Variants in SPATS2L observed in about 807,000 individuals in gnomAD.
The protein encoded by SPATS2L is spermatogenesis associated serine rich 2 like.
A neutral mutation model predicts 59.6 loss-of-function variants in SPATS2L; 30 were observed. That is an observed-to-expected ratio of 0.50 (90% CI 0.38 to 0.68). SPATS2L has a LOEUF of 0.68. SPATS2L is among the 30% of genes least tolerant of loss of function. SPATS2L has a pLI of 0.00. For missense variants in SPATS2L, 615 were observed against 700.0 expected (o/e 0.88, Z 1.37); for synonymous variants, 252 against 263.5 (o/e 0.96, Z 0.42).
chr2:200,414,895 T>C (rs2083004197), intron 4 of SPATS2L, among the ~76,000 whole-genome samples: 1 of 152,364 alleles, frequency 6.6e-6, no homozygotes, highest in South Asian at 2.1e-4. Context: ...GAGGACTAAT[T>C]GAATATGGCA....
chr2:200,320,014 T>C (rs751957566), intron 1 of SPATS2L, among the ~76,000 whole-genome samples: 3 of 152,240 alleles, frequency 2.0e-5, no homozygotes, highest in Non-Finnish European at 2.9e-5. Context: ...AATGTTACTT[T>C]GTCGTTGATA....
chr2:200,383,629 C>T (rs1278459123), intron 2 of SPATS2L, among the ~76,000 whole-genome samples: 4 of 152,148 alleles, frequency 2.6e-5, no homozygotes, highest in Non-Finnish European at 5.9e-5. Context: ...TCGATCCAGT[C>T]TCTACCAACT....
At chr2:200,459,889 C>G (rs2086115024) in intron 9 of SPATS2L, 62 bp downstream of exon 9, 1 of 1,242,524 alleles carries the variant, frequency 8.0e-7, no homozygotes, top group Non-Finnish European at 1.2e-6. Flanking sequence ...ATCCATAGGT[C>G]AGACTGACAA....
At chr2:200,322,444 A>T (rs574977823) in intron 1 of SPATS2L, among the ~76,000 whole-genome samples, 34 of 152,352 alleles carry the variant, frequency 2.2e-4, no homozygotes, top group African/African-American at 7.7e-4. Context: ...ATACCTCTTT[A>T]GCCTTTGCTG....
At chr2:200,309,157 G>A (rs952670684) in intron 1 of SPATS2L, 23 of 717,164 alleles carry the variant, frequency 3.2e-5, no homozygotes, top group Non-Finnish European at 4.2e-5. Context: ...CCTAATTTTT[G>A]TGAGTTTCTC....
chr2:200,347,913 CTGAG>C (rs2080572832), intron 2 of SPATS2L, among the ~76,000 whole-genome samples: 2 of 152,148 alleles, frequency 1.3e-5, no homozygotes, highest in Non-Finnish European at 2.9e-5. Flanking sequence ...TCTAATTTTC[CTGAG>C]TAATATCTTA....
intron 2 of SPATS2L, among the ~76,000 whole-genome samples, chr2:200,335,851 C>A (rs577883009): frequency 6.6e-6 from 1 of 152,272 alleles, no homozygotes; most frequent in East Asian, 1.9e-4. Context: ...GACATTGGCA[C>A]CATCCTTGAG....
intron 6 of SPATS2L, among the ~76,000 whole-genome samples, chr2:200,426,860 G>C (rs2083611978): frequency 6.6e-6 from 1 of 152,106 alleles, no homozygotes; most frequent in Admixed American, 6.5e-5. Context: ...CAAGTAACTT[G>C]GTATCTTAGA....
At chr2:200,401,373 T>G (rs1055998441) in intron 3 of SPATS2L, among the ~76,000 whole-genome samples, 3 of 152,190 alleles carry the variant, frequency 2.0e-5, no homozygotes, top group African/African-American at 7.2e-5. Context: ...TGGACACTTG[T>G]TATGCAGCAG....
Position 200,371,977 on chromosome 2 carries a change from G to A in SPATS2L, c.-22-17246G>A, listed in dbSNP as rs1055724072. The A allele has an allele frequency of 4.2e-6, 4 of 963,266 alleles. No homozygotes were observed. The East Asian group carries it at 4.6e-4, about 110-fold the overall frequency. The allele number at this position is 963,266 out of a possible 1,614,324, so 59.7% of individuals were successfully genotyped here. ...ATTTGAGGCATTTCTGGCCCTGCCTGCAGGAAGAAAGGCTCTTTCCATCAC... is the reference window on the plus strand; with the variant it reads ...ATTTGAGGCATTTCTGGCCCTGCCTACAGGAAGAAAGGCTCTTTCCATCAC... On this transcript the variant is annotated intron_variant, in intron 2 of 12. Coordinates refer to ENST00000409140, the MANE Select transcript of SPATS2L (RefSeq NM_001100423.2).
intron 3 of SPATS2L, among the ~76,000 whole-genome samples, chr2:200,397,477 G>GGT (rs2082392355): frequency 6.6e-6 from 1 of 152,102 alleles, no homozygotes; most frequent in Non-Finnish European, 1.5e-5. Context: ...TAGACAGACA[G>GGT]GTAGACAGAC....
At chr2:200,378,373 T>A (rs1331229876) in intron 2 of SPATS2L, 2 of 1,001,844 alleles carry the variant, frequency 2.0e-6, no homozygotes, top group Non-Finnish European at 2.4e-6. Flanking sequence ...CCTTAAAAAG[T>A]GAGTTGAGGT....
chr2:200,332,827 A>G (rs570299134), intron 2 of SPATS2L, among the ~76,000 whole-genome samples: 2 of 151,490 alleles, frequency 1.3e-5, no homozygotes, highest in Non-Finnish European at 2.9e-5. Flanking sequence ...AGAGAAATAT[A>G]TATTATATGC....
chr2:200,368,798 C>G (rs1416334031), intron 2 of SPATS2L, among the ~76,000 whole-genome samples: 1 of 152,178 alleles, frequency 6.6e-6, no homozygotes, highest in Admixed American at 6.5e-5. Context: ...AGAAGCCCAT[C>G]TCTACATTCA....
At chr2:200,422,041 T>G (rs928389120) in intron 6 of SPATS2L, among the ~76,000 whole-genome samples, 1 of 152,206 alleles carries the variant, frequency 6.6e-6, no homozygotes, top group Admixed American at 6.5e-5. Context: ...GCCTTGAAAG[T>G]TAAGTACCCA....
At chr2:200,387,934 G>T (rs1238818508) in intron 2 of SPATS2L, among the ~76,000 whole-genome samples, 1 of 152,098 alleles carries the variant, frequency 6.6e-6, no homozygotes, top group Non-Finnish European at 1.5e-5. Context: ...TAAGGGAAAA[G>T]AAAACACAAC....
At position 200,474,983 on chromosome 2, in the gene SPATS2L, GGGTT is replaced by G. The variant is rs1274211101; in HGVS notation, c.1281+1932_1281+1935del. Among the ~76,000 whole-genome samples, 5 of 152,178 alleles carry G rather than the reference GGGTT, an allele frequency of 3.3e-5. No individual in the cohort carries two copies. The East Asian group carries it at 9.7e-4, about 29-fold the overall frequency. On this transcript the variant is annotated intron_variant, in intron 12 of 12. Coordinates refer to ENST00000409140, the MANE Select transcript of SPATS2L (RefSeq NM_001100423.2). ...GCTGCCAGTCAGTACTCGAGATCCT[GGGTT>G]ACTCTTCCCAAGTGGGCCCAAGCCT...
intron 2 of SPATS2L, among the ~76,000 whole-genome samples, chr2:200,360,721 A>G (rs995739324): frequency 3.0e-4 from 45 of 152,138 alleles, no homozygotes; most frequent in East Asian, 9.6e-4. Context: ...TTTGGCTTTC[A>G]TCACCTCGTA....
chr2:200,437,865 T>C (rs2084406484), intron 6 of SPATS2L, among the ~76,000 whole-genome samples: 1 of 152,218 alleles, frequency 6.6e-6, no homozygotes, highest in Non-Finnish European at 1.5e-5. Flanking sequence ...TCTCTGACTG[T>C]GTCAGGTAAG....
Sources: gnomAD v4.1 joint callset for allele counts (sites outside exome capture counted in the v4.1 genomes callset) on GRCh38, gnomAD v4.1.1 for gene constraint, MANE v1.5 for transcripts, NCBI Gene and HGNC (gene_info 2026-07-23, HGNC 2026-07-21) for gene names.